The following UGT3A1 variants were observed in gnomAD, a reference collection of about 807,000 sequenced individuals.
UGT3A1 encodes the protein UDP glycosyltransferase family 3 member A1, also known as UDP-glycosyltransferase 3A1.
UGT3A1 carries 40 observed loss-of-function variants against 37.6 expected under a neutral mutation model. That is an observed-to-expected ratio of 1.06 (90% CI 0.83 to 1.38). The LOEUF is 1.38. Ranked by LOEUF, UGT3A1 falls within the 40% of genes most tolerant of loss-of-function variation. UGT3A1 has a pLI of 0.00. For synonymous variants in UGT3A1, 256 were observed against 232.3 expected (o/e 1.10, Z -0.93); for missense variants, 642 against 634.2 (o/e 1.01, Z -0.13).
chr5:35,989,032 C>T (rs1457410573), intron 1 of UGT3A1, among the ~76,000 whole-genome samples: 1 of 152,142 alleles, frequency 6.6e-6, no homozygotes. Flanking sequence ...GAAAAGTATG[C>T]TACTGTAGGA....
Position 35,991,236 on chromosome 5 carries a change from A to G in UGT3A1, c.5T>C (p.Val2Ala), listed in dbSNP as rs748061888. Reference sequence around the variant, plus strand: ...CACTAGAAGCAGCACCCGCTGCCCAACCATGCTCACTTCCACAGAAGCAGC... The same window carrying G: ...CACTAGAAGCAGCACCCGCTGCCCAGCCATGCTCACTTCCACAGAAGCAGC... M[V>A]GQRVLLLVAF... is the part of the protein sequence containing the mutation. Residue 2 changes from valine (V) to alanine (A), a missense_variant, in exon 1 of 7, where the codon GTT becomes GCT. Coordinates refer to ENST00000274278, the MANE Select transcript of UGT3A1 (RefSeq NM_152404.4). The G allele has an allele frequency of 1.1e-5, 18 of 1,614,086 alleles. No homozygotes were observed. The highest frequency in any genetic ancestry group is 4.5e-5 in the East Asian group (2 of 44,890).
chr5:35,984,803 A>C (rs1740664669), intron 2 of UGT3A1, among the ~76,000 whole-genome samples: 1 of 152,182 alleles, frequency 6.6e-6, no homozygotes, highest in Non-Finnish European at 1.5e-5. Context: ...AATTCTAGAC[A>C]AATTTTTATT....
intron 2 of UGT3A1, among the ~76,000 whole-genome samples, chr5:35,975,455 C>T (rs1408701322): frequency 1.3e-5 from 2 of 152,298 alleles, no homozygotes. Context: ...CTTGCTTTCC[C>T]TTCATGCAAT....
Position 35,965,782 on chromosome 5 carries a change from G to C in UGT3A1, c.447C>G (p.Phe149Leu). The change falls in exon 4 of 7, where the codon TTC becomes TTG. Residue 149 changes from phenylalanine to leucine, a missense_variant. Transcript: ENST00000274278. ...YDLVFVEAFD[F>L]CSFLIAEKLV... ...GCTTCTCAGCAATCAGGAAAGAACA[G>C]AAATCAAATGCTTCAACAAATACCA... 1 of 1,614,178 alleles carries C rather than the reference G, an allele frequency of 6.2e-7. No homozygotes were observed. Among genetic ancestry groups the C allele is most frequent in the African/African-American group, 1.3e-5 (1 of 75,042 alleles).
chr5:35,975,949 A>G (rs1306176675), intron 2 of UGT3A1, among the ~76,000 whole-genome samples: 3 of 152,192 alleles, frequency 2.0e-5, no homozygotes, highest in Non-Finnish European at 4.4e-5. Flanking sequence ...CACATCTAAT[A>G]TATGATGTTT....
At chr5:35,970,770 A>G (rs775237834) in intron 2 of UGT3A1, among the ~76,000 whole-genome samples, 2 of 152,208 alleles carry the variant, frequency 1.3e-5, no homozygotes, top group African/African-American at 2.4e-5. Flanking sequence ...ATTAAATTCC[A>G]TTATGAAAGA....
chr5:35,961,492 C>A (rs1376011067), intron 4 of UGT3A1: 4 of 152,174 alleles, frequency 2.6e-5, no homozygotes, highest in Admixed American at 2.6e-4. Flanking sequence ...AGTGAAAATA[C>A]TAAAACCATT....
At chr5:35,964,736 G>A (rs1739728145) in intron 4 of UGT3A1, among the ~76,000 whole-genome samples, 1 of 152,198 alleles carries the variant, frequency 6.6e-6, no homozygotes, top group African/African-American at 2.4e-5. Context: ...GTGCTCAGAG[G>A]CAACAGGCTG....
upstream of UGT3A1, among the ~76,000 whole-genome samples, chr5:35,992,165 G>C (rs1740971968): frequency 6.6e-6 from 1 of 152,134 alleles, no homozygotes; most frequent in Non-Finnish European, 1.5e-5. Context: ...GGCTGTAATA[G>C]GCCCTTGAAT....
At chr5:35,969,094 A>C (rs1739933752) in intron 2 of UGT3A1, among the ~76,000 whole-genome samples, 1 of 152,064 alleles carries the variant, frequency 6.6e-6, no homozygotes. Context: ...ATCACCTCCC[A>C]CACACACACC....
At position 35,952,884 on chromosome 5, in the gene UGT3A1, A is replaced by C. The variant is rs1324817852; in HGVS notation, c.*1318T>G. ...CACTCAGCTCTGCAGACTCGCAAGC[A>C]AATCCTTTCATGGAATTGGCAAAGT... On this transcript the variant is annotated 3_prime_UTR_variant, in exon 7 of 7. Coordinates refer to ENST00000274278, the MANE Select transcript of UGT3A1 (RefSeq NM_152404.4). 2 of 152,224 alleles carry C rather than the reference A, an allele frequency of 1.3e-5. No homozygotes were observed. Among genetic ancestry groups the C allele is most frequent in the East Asian group, 3.8e-4 (2 of 5,202 alleles). 9.4% of individuals were successfully genotyped at this position (152,224 alleles called of 1,614,324 possible). A position where few individuals can be genotyped will look rare whatever the true frequency, so the allele number is the denominator to read the frequency against.
At chr5:35,964,700 A>G (rs1258776376) in intron 4 of UGT3A1, among the ~76,000 whole-genome samples, 1 of 152,128 alleles carries the variant, frequency 6.6e-6, no homozygotes, top group African/African-American at 2.4e-5. Context: ...TACTAAATAT[A>G]ATAACTTCTG....
chr5:35,976,674 T>C (rs927097649), intron 2 of UGT3A1, among the ~76,000 whole-genome samples: 3 of 151,882 alleles, frequency 2.0e-5, no homozygotes, highest in Admixed American at 6.6e-5. Context: ...ATACCGACTC[T>C]ACAAAAAATA....
chr5:35,999,093 C>T (rs1331319837), intron 1 of UGT3A1, among the ~76,000 whole-genome samples: 1 of 151,726 alleles, frequency 6.6e-6, no homozygotes, highest in African/African-American at 2.4e-5. Flanking sequence ...AAAAGTTAGC[C>T]GGGCATGGTG....
chr5:35,970,388 C>T (rs1287500472), intron 2 of UGT3A1, among the ~76,000 whole-genome samples: 1 of 121,898 alleles, frequency 8.2e-6, no homozygotes, highest in Non-Finnish European at 1.8e-5. Flanking sequence ...GAGACTCCAT[C>T]TCAAAAAAAA....
At chr5:35,993,662 C>T (rs1741022027), upstream of UGT3A1, among the ~76,000 whole-genome samples, 1 of 152,168 alleles carries the variant, frequency 6.6e-6, no homozygotes. Context: ...AAATAAATCT[C>T]CTAAAATGAT....
At chr5:35,976,456 A>G (rs1740272211) in intron 2 of UGT3A1, among the ~76,000 whole-genome samples, 1 of 152,212 alleles carries the variant, frequency 6.6e-6, no homozygotes, top group South Asian at 2.1e-4. Context: ...AGAATTTTAA[A>G]TGGTACAGCC....
At chr5:35,970,505 C>T (rs207465920) in intron 2 of UGT3A1, among the ~76,000 whole-genome samples, 1 of 152,022 alleles carries the variant, frequency 6.6e-6, no homozygotes, top group Non-Finnish European at 1.5e-5. Context: ...TCCCACAACA[C>T]GTGGGAATTC....
intron 1 of UGT3A1, among the ~76,000 whole-genome samples, chr5:35,998,535 T>A (rs1377519433): frequency 7.2e-5 from 11 of 152,332 alleles, no homozygotes; most frequent in African/African-American, 2.4e-5. Flanking sequence ...ACTACAGTGA[T>A]CTTAATCCAG....
Sources: allele counts gnomAD v4.1 joint callset (sites outside exome capture counted in the v4.1 genomes callset), GRCh38; gene constraint gnomAD v4.1.1; transcripts MANE v1.5; gene names NCBI Gene and HGNC (gene_info 2026-07-23, HGNC 2026-07-21).